Variants in CCSER1 observed in about 807,000 individuals in gnomAD.
The protein encoded by CCSER1 is serine-rich coiled-coil domain-containing protein 1.
A neutral mutation model predicts 82.0 loss-of-function variants in CCSER1; 41 were observed. The observed-to-expected ratio is 0.50, with a 90% CI of 0.39 to 0.65. The LOEUF (loss-of-function observed/expected upper bound fraction) is 0.65, where lower values mean the gene tolerates loss of function less well. Ranked by LOEUF, CCSER1 falls within the 30% of genes least tolerant of loss-of-function variation. The pLI, the probability that CCSER1 is intolerant of heterozygous loss-of-function variation, is 0.00. For synonymous variants in CCSER1, 414 were observed against 383.9 expected (o/e 1.08, Z -0.92); for missense variants, 1,119 against 1,064.2 (o/e 1.05, Z -0.72).
intron 7 of CCSER1, among the ~76,000 whole-genome samples, chr4:90,782,681 C>CTTTTTTTTTTTTTTTTT (rs200701722): frequency 1.1e-4 from 14 of 123,976 alleles, no homozygotes; most frequent in South Asian, 2.5e-4. Context: ...TCTTTTCTTT[C>CTTTTTTTTTTTTTTTTT]TTTCTTTTTT....
At chr4:90,343,538 G>T (rs1017558817) in intron 3 of CCSER1, among the ~76,000 whole-genome samples, 1 of 152,038 alleles carries the variant, frequency 6.6e-6, no homozygotes, top group Admixed American at 6.5e-5. Context: ...AATCACTTGA[G>T]CCTGGGAGAC....
chr4:90,128,819 T>G (rs1722317481), intron 1 of CCSER1, among the ~76,000 whole-genome samples: 1 of 151,120 alleles, frequency 6.6e-6, no homozygotes, highest in African/African-American at 2.4e-5. Flanking sequence ...TATCCTGAAC[T>G]GCTCTCTTTC....
intron 7 of CCSER1, chr4:90,781,216 A>G: frequency 2.1e-6 from 2 of 973,192 alleles, no homozygotes; most frequent in Non-Finnish European, 2.4e-6. Context: ...AGCAGAGACA[A>G]ATTTCCAAAC....
chr4:91,162,160 A>T (rs1731483095), intron 10 of CCSER1, among the ~76,000 whole-genome samples: 1 of 152,122 alleles, frequency 6.6e-6, no homozygotes, highest in South Asian at 2.1e-4. Context: ...AATTTTGTCA[A>T]AGGCCTTTTC....
At chr4:90,881,659 C>T (rs1231855742) in intron 8 of CCSER1, among the ~76,000 whole-genome samples, 2 of 152,094 alleles carry the variant, frequency 1.3e-5, no homozygotes, top group African/African-American at 4.8e-5. Context: ...GTGGCACACG[C>T]CTGTGGTCCT....
chr4:91,352,196 T>A (rs963794689), intron 10 of CCSER1, among the ~76,000 whole-genome samples: 1 of 152,244 alleles, frequency 6.6e-6, no homozygotes. Context: ...TCAAAACTTT[T>A]AATTTAACAA....
At chr4:90,402,464 C>T (rs1158867299) in intron 4 of CCSER1, among the ~76,000 whole-genome samples, 2 of 151,966 alleles carry the variant, frequency 1.3e-5, no homozygotes, top group Non-Finnish European at 2.9e-5. Flanking sequence ...CGTATATAGG[C>T]TTTGCTTTAC....
intron 10 of CCSER1, among the ~76,000 whole-genome samples, chr4:91,216,105 G>C: frequency 6.6e-6 from 1 of 151,964 alleles, no homozygotes; most frequent in East Asian, 1.9e-4. Flanking sequence ...CAGATTTTCT[G>C]CTTGAATATT....
chr4:90,158,635 T>G (rs1728809894), intron 1 of CCSER1, among the ~76,000 whole-genome samples: 1 of 152,172 alleles, frequency 6.6e-6, no homozygotes, highest in African/African-American at 2.4e-5. Context: ...CTCAGACTGC[T>G]GTGCTAGCAA....
intron 10 of CCSER1, among the ~76,000 whole-genome samples, chr4:91,435,051 A>C (rs1335339043): frequency 6.6e-6 from 1 of 152,144 alleles, no homozygotes; most frequent in Non-Finnish European, 1.5e-5. Context: ...TGGCATGTAC[A>C]TGGGCAATAT....
At chr4:91,125,355 T>A (rs1727423138) in intron 10 of CCSER1, among the ~76,000 whole-genome samples, 1 of 151,694 alleles carries the variant, frequency 6.6e-6, no homozygotes, top group Non-Finnish European at 1.5e-5. Flanking sequence ...TTTTTAGTAG[T>A]ATGGAAGATT....
intron 9 of CCSER1, among the ~76,000 whole-genome samples, chr4:90,931,386 TTAGC>T (rs35133021): frequency 0.11 from 17,106 of 152,020 alleles, 1,486 homozygotes; most frequent in African/African-American, 0.23. Flanking sequence ...TATATAACTA[TTAGC>T]TAGGAATATT....
chr4:90,273,002 C>CA (rs1051768308), intron 1 of CCSER1, among the ~76,000 whole-genome samples: 8 of 140,816 alleles, frequency 5.7e-5, no homozygotes, highest in Admixed American at 1.3e-4. Flanking sequence ...GACTCTATCT[C>CA]AAAAAAACAA....
At chr4:90,767,306 A>AT (rs142916915) in intron 7 of CCSER1, among the ~76,000 whole-genome samples, 29,425 of 150,710 alleles carry the variant, frequency 0.2, 3,389 homozygotes, top group South Asian at 0.27. Context: ...ATGTAGAGCA[A>AT]TTTTTTTTTT....
At chr4:91,047,520 T>A (rs1190580608) in intron 9 of CCSER1, among the ~76,000 whole-genome samples, 3 of 152,166 alleles carry the variant, frequency 2.0e-5, no homozygotes, top group Non-Finnish European at 4.4e-5. Flanking sequence ...TCCCTCCCAC[T>A]CACTCCTGAC....
intron 9 of CCSER1, among the ~76,000 whole-genome samples, chr4:90,958,479 GT>G (rs2033568561): frequency 6.6e-6 from 1 of 151,150 alleles, no homozygotes; most frequent in Non-Finnish European, 1.5e-5. Flanking sequence ...CTTTGCTTGA[GT>G]TTATGGTAAA....
At chr4:91,299,622 G>A (rs935469388) in intron 10 of CCSER1, among the ~76,000 whole-genome samples, 8 of 151,934 alleles carry the variant, frequency 5.3e-5, no homozygotes, top group Non-Finnish European at 1.0e-4. Context: ...GCCATACAGC[G>A]TAAATAAGAA....
At chr4:90,785,324 C>G (rs11722954) in intron 7 of CCSER1, among the ~76,000 whole-genome samples, 21,879 of 152,134 alleles carry the variant, frequency 0.14, 1,749 homozygotes, top group Non-Finnish European at 0.18. Flanking sequence ...CCACCACGCC[C>G]AGCCCAAACC....
chr4:90,232,935 C>T lies in CCSER1; in HGVS notation c.-41-75309C>T, dbSNP rs1307742503. Among the ~76,000 whole-genome samples, 3 of 150,644 alleles carry T rather than the reference C, an allele frequency of 2.0e-5. No individual in the cohort carries two copies. The East Asian group carries it at 5.8e-4, about 29-fold the overall frequency. ...AAAACCACAATGAGATACCATCTCA[C>T]ACCAGTTAGAATGGCAATCATTAAA... On this transcript the variant is annotated intron_variant, in intron 1 of 10. Transcript: ENST00000509176.
Sources: gnomAD v4.1 joint callset for allele counts (sites outside exome capture counted in the v4.1 genomes callset) on GRCh38, gnomAD v4.1.1 for gene constraint, MANE v1.5 for transcripts, NCBI Gene and HGNC (gene_info 2026-07-23, HGNC 2026-07-21) for gene names.